Variants in ALDH2 observed in about 807,000 individuals in gnomAD.
ALDH2 encodes aldehyde dehydrogenase 2 family member, also known as aldehyde dehydrogenase, mitochondrial.
In ALDH2, 44 loss-of-function variants were observed where a neutral mutation model predicts 59.6. That is an observed-to-expected ratio of 0.74 (90% CI 0.58 to 0.95). The LOEUF (loss-of-function observed/expected upper bound fraction) is 0.95. Ranked by LOEUF, ALDH2 falls within the 40% of genes least tolerant of loss-of-function variation. The pLI, the probability that ALDH2 is intolerant of heterozygous loss-of-function variation, is 0.00. For synonymous variants in ALDH2, 291 were observed against 284.0 expected (o/e 1.02, Z -0.25); for missense variants, 570 against 696.3 (o/e 0.82, Z 2.04).
At chr12:111,807,504 C>A (rs1430829303) in intron 12 of ALDH2, among the ~76,000 whole-genome samples, 2 of 152,106 alleles carry the variant, frequency 1.3e-5, no homozygotes, top group Admixed American at 1.3e-4. Context: ...GGTCCAACTT[C>A]AGTTGGTGAG....
At chr12:111,783,343 A>G in intron 3 of ALDH2, 45 bp downstream of exon 3, 2 of 1,560,922 alleles carry the variant, frequency 1.3e-6, no homozygotes, top group Non-Finnish European at 1.7e-6. Flanking sequence ...TGTGGTGAAT[A>G]GGCTCGCAGC....
chr12:111,792,767 C>A lies in ALDH2; in HGVS notation c.1068C>A (p.Thr356=), dbSNP rs960612603. The change falls in exon 9 of 13, where the codon ACC becomes ACA. Residue 356 remains threonine, a synonymous_variant. Coordinates refer to ENST00000261733, the MANE Select transcript of ALDH2 (RefSeq NM_000690.4). ...RVVGNPFDSK[T]EQGPQVDETQ... Reference sequence around the variant, plus strand: ...TCGGGAACCCCTTTGATAGCAAGACCGAGCAGGGGCCGCAGGTGAGCCAGG... The same window carrying A: ...TCGGGAACCCCTTTGATAGCAAGACAGAGCAGGGGCCGCAGGTGAGCCAGG... The A allele has an allele frequency of 5.2e-6, 8 of 1,551,904 alleles. No individual in the cohort carries two copies. The highest frequency in any genetic ancestry group is 3.3e-4 in the Middle Eastern group (2 of 5,998).
chr12:111,769,571 A>T (rs1288376269), intron 1 of ALDH2, among the ~76,000 whole-genome samples: 1 of 145,930 alleles, frequency 6.9e-6, no homozygotes, highest in Non-Finnish European at 1.5e-5. Flanking sequence ...AGCACACCAG[A>T]CTTTTTTTTT....
chr12:111,796,174 T>G (rs1219003961), intron 9 of ALDH2, among the ~76,000 whole-genome samples: 2 of 150,194 alleles, frequency 1.3e-5, no homozygotes, highest in African/African-American at 2.5e-5. Flanking sequence ...ATACAAAAAC[T>G]ATTTGGGCGT....
chr12:111,800,151 T>G, intron 11 of ALDH2, 88 bp downstream of exon 11: 2 of 1,444,298 alleles, frequency 1.4e-6, no homozygotes, highest in Non-Finnish European at 9.2e-7. Context: ...CATCCTGGAA[T>G]TTGGGGAGCT....
In ALDH2 at chr12:111,792,850, C is replaced by T. The variant is rs796664101; in HGVS notation, c.1083+68C>T. 1.7e-5 allele frequency: 25 copies of T among 1,480,204 alleles called. No homozygotes were observed. The African/African-American group carries it at 3.2e-4, about 19-fold the overall frequency. 91.7% of individuals were successfully genotyped at this position (1,480,204 alleles called of 1,614,324 possible). ...CATGAGAAGCAGAGAGGGCATCGGG[C>T]TCAGATCAGTTGGGACTGGGTTCAG... On this transcript the variant is annotated intron_variant, in intron 9 of 12. Coordinates refer to ENST00000261733, the MANE Select transcript of ALDH2 (RefSeq NM_000690.4).
At chr12:111,806,831 G>A (rs1013051697) in intron 12 of ALDH2, among the ~76,000 whole-genome samples, 4 of 151,960 alleles carry the variant, frequency 2.6e-5, no homozygotes. Context: ...AATTGGCCAG[G>A]CTGGTGGCAT....
chr12:111,771,067 C>T (rs1442904581), intron 1 of ALDH2, among the ~76,000 whole-genome samples: 3 of 152,106 alleles, frequency 2.0e-5, no homozygotes, highest in African/African-American at 7.2e-5. Context: ...GTGTGAAGCA[C>T]TGAACTAAAG....
At chr12:111,790,389 C>T in intron 5 of ALDH2, 45 bp from the exon 6 acceptor site, 1 of 1,613,142 alleles carries the variant, frequency 6.2e-7, no homozygotes, top group Non-Finnish European at 8.5e-7. Context: ...CAGTGTAGTT[C>T]TCTGAGGAAG....
chr12:111,811,838 G>A lies in ALDH2; in HGVS notation c.*2263G>A, dbSNP rs539695819. The A allele has an allele frequency of 1.3e-5, 2 of 157,506 alleles. No homozygotes were observed. Among genetic ancestry groups the A allele is most frequent in the African/African-American group, 4.8e-5 (2 of 41,638 alleles). The allele number at this position is 157,506 out of a possible 1,614,324, so 9.8% of individuals were successfully genotyped here. On this transcript the variant is annotated 3_prime_UTR_variant, in exon 13 of 13. Coordinates refer to ENST00000261733, the MANE Select transcript of ALDH2 (RefSeq NM_000690.4). ...TCCCCATGTGCGGAGACGAGAGATT[G>A]TAGAAATAAAGACACAAGACAAAGA...
intron 11 of ALDH2, among the ~76,000 whole-genome samples, chr12:111,800,764 T>C (rs1455076769): frequency 6.6e-6 from 1 of 152,092 alleles, no homozygotes; most frequent in African/African-American, 2.4e-5. Flanking sequence ...ATTTGGGAGC[T>C]CCTCAAAAAG....
chr12:111,798,221 C>T lies in ALDH2; in HGVS notation c.1227C>T (p.Gly409=), dbSNP rs766266356. ...QPTVFGDVQD[G]MTIAKEEIFG... is the part of the protein sequence containing the mutation. ...CTGTGTTTGGAGATGTGCAGGATGG[C>T]ATGACCATCGCCAAGGAGGAGGTGA... The change falls in exon 10 of 13, where the codon GGC becomes GGT. Residue 409 remains glycine (G), a synonymous_variant. Coordinates refer to ENST00000261733, the MANE Select transcript of ALDH2 (RefSeq NM_000690.4). 25 of 1,566,540 alleles carry T rather than the reference C, an allele frequency of 1.6e-5. No homozygotes were observed. Among genetic ancestry groups the T allele is most frequent in the Non-Finnish European group, 2.2e-5 (25 of 1,155,680 alleles).
At chr12:111,797,057 T>C (rs1004942317) in intron 9 of ALDH2, among the ~76,000 whole-genome samples, 3 of 151,966 alleles carry the variant, frequency 2.0e-5, no homozygotes, top group Non-Finnish European at 4.4e-5. Flanking sequence ...CCTCCCTGGT[T>C]CAAGCGATTC....
chr12:111,794,014 ATT>A (rs543884211), intron 9 of ALDH2, among the ~76,000 whole-genome samples: 23 of 102,930 alleles, frequency 2.2e-4, no homozygotes, highest in African/African-American at 5.9e-4. Flanking sequence ...GCAACCACTG[ATT>A]TTTTTTTTTT....
chr12:111,779,068 T>C (rs2068253026), intron 1 of ALDH2, among the ~76,000 whole-genome samples: 1 of 152,106 alleles, frequency 6.6e-6, no homozygotes. Flanking sequence ...GTTACCCATG[T>C]TGGTTTCAAA....
At chr12:111,783,958 G>A (rs1189784876) in intron 3 of ALDH2, among the ~76,000 whole-genome samples, 3 of 152,140 alleles carry the variant, frequency 2.0e-5, no homozygotes, top group Non-Finnish European at 4.4e-5. Context: ...GCTGCAAGAG[G>A]AGAAGAAACC....
intron 1 of ALDH2, among the ~76,000 whole-genome samples, chr12:111,778,915 G>A (rs943562410): frequency 6.6e-6 from 1 of 151,410 alleles, no homozygotes; most frequent in African/African-American, 2.4e-5. Flanking sequence ...CTGGAGTGCA[G>A]TGATGCAATC....
chr12:111,796,276 C>T (rs111309293), intron 9 of ALDH2, among the ~76,000 whole-genome samples: 1 of 151,828 alleles, frequency 6.6e-6, no homozygotes, highest in African/African-American at 2.4e-5. Flanking sequence ...GAGCCAAAAT[C>T]GTGCCACCGC....
rs1279291333 is a variant in ALDH2, at chr12:111,783,203, C to T, written c.265C>T (p.Leu89=). Residue 89 remains leucine (L), a synonymous_variant, in exon 3 of 13, where the codon CTG becomes TTG. Coordinates refer to ENST00000261733, the MANE Select transcript of ALDH2 (RefSeq NM_000690.4). ...AVKAARAAFQ[L]GSPWRRMDAS... ...GAAGGCCGCCCGGGCCGCCTTCCAGCTGGGCTCACCTTGGCGCCGCATGGA... is the reference window on the plus strand; with the variant it reads ...GAAGGCCGCCCGGGCCGCCTTCCAGTTGGGCTCACCTTGGCGCCGCATGGA... 6.2e-7 allele frequency: 1 copy of T among 1,613,376 alleles called. No homozygotes were observed.
Sources: gnomAD v4.1 joint callset for allele counts (sites outside exome capture counted in the v4.1 genomes callset) on GRCh38, gnomAD v4.1.1 for gene constraint, MANE v1.5 for transcripts, NCBI Gene and HGNC (gene_info 2026-07-23, HGNC 2026-07-21) for gene names.